QKI: variants seen among roughly 807,000 people sequenced by gnomAD.
QKI encodes the protein KH domain-containing RNA-binding protein QKI.
A neutral mutation model predicts 39.0 loss-of-function variants in QKI; 10 were observed. The observed-to-expected ratio is 0.26, with a 90% CI of 0.16 to 0.43. The LOEUF is 0.43. QKI is among the 20% of genes least tolerant of loss of function. QKI has a pLI of 1.00. For synonymous variants in QKI, 204 were observed against 155.4 expected (o/e 1.31, Z -2.33); for missense variants, 218 against 428.0 (o/e 0.51, Z 4.33).
intron 4 of QKI, among the ~76,000 whole-genome samples, chr6:163,541,292 CTAA>C (rs1781497868): frequency 6.6e-6 from 1 of 151,870 alleles, no homozygotes; most frequent in South Asian, 2.1e-4. Context: ...CTGTAGATTT[CTAA>C]TTTGTTATGC....
chr6:163,551,736 A>G (rs951904040), intron 4 of QKI, among the ~76,000 whole-genome samples: 1 of 152,228 alleles, frequency 6.6e-6, no homozygotes, highest in Non-Finnish European at 1.5e-5. Flanking sequence ...ATTTACTTTG[A>G]GGAGTCAGAG....
At chr6:163,463,981 T>TC (rs1791538005) in intron 2 of QKI, among the ~76,000 whole-genome samples, 1 of 152,086 alleles carries the variant, frequency 6.6e-6, no homozygotes, top group South Asian at 2.1e-4. Context: ...CATGCTCAGC[T>TC]CCCCCTCATC....
intron 6 of QKI, chr6:163,565,382 C>G (rs998494400): frequency 7.1e-6 from 7 of 986,178 alleles, no homozygotes; most frequent in African/African-American, 1.7e-5. Context: ...CCAGCACTTT[C>G]AGCGCAAGAT....
Position 163,415,247 on chromosome 6 carries a change from G to C in QKI, c.54G>C (p.Leu18=). 3 of 1,598,914 alleles carry C rather than the reference G, an allele frequency of 1.9e-6. No homozygotes were observed. Among genetic ancestry groups the C allele is most frequent in the South Asian group, 1.1e-5 (1 of 90,280 alleles). ...AGCCGAAGCCCACCCCAGATTACCT[G>C]ATGCAGCTGATGAACGACAAGAAGC... ...KEKPKPTPDY[L]MQLMNDKKLM... is the part of the protein sequence containing the mutation. The change falls in exon 1 of 8, where the codon CTG becomes CTC. Residue 18 remains leucine, a synonymous_variant. Coordinates refer to ENST00000361752, the MANE Select transcript of QKI (RefSeq NM_006775.3).
chr6:163,491,119 C>T (rs986340040), intron 3 of QKI, among the ~76,000 whole-genome samples: 1 of 152,050 alleles, frequency 6.6e-6, no homozygotes, highest in African/African-American at 2.4e-5. Flanking sequence ...AAAAGAAGAC[C>T]CGCTATCCTT....
chr6:163,476,188 G>A (rs954770557), intron 2 of QKI, among the ~76,000 whole-genome samples: 1 of 151,150 alleles, frequency 6.6e-6, no homozygotes, highest in African/African-American at 2.4e-5. Context: ...ATATTGGAGA[G>A]GAAGTGGATC....
At chr6:163,468,663 G>A (rs528984665) in intron 2 of QKI, among the ~76,000 whole-genome samples, 6 of 152,252 alleles carry the variant, frequency 3.9e-5, no homozygotes, top group African/African-American at 1.4e-4. Context: ...GAGAAGGTCT[G>A]TATTTAAACA....
At chr6:163,453,774 G>A (rs1487029298) in intron 1 of QKI, among the ~76,000 whole-genome samples, 3 of 152,062 alleles carry the variant, frequency 2.0e-5, no homozygotes, top group African/African-American at 4.8e-5. Context: ...AAAGCATTTC[G>A]TAAGCTTTGA....
chr6:163,467,041 A>C (rs551908512), intron 2 of QKI, among the ~76,000 whole-genome samples: 2 of 143,550 alleles, frequency 1.4e-5, no homozygotes, highest in South Asian at 4.2e-4. Flanking sequence ...AAAACAGCAA[A>C]AAAAAAAAAA....
chr6:163,519,104 G>A (rs1439478779), intron 3 of QKI, among the ~76,000 whole-genome samples: 1 of 152,078 alleles, frequency 6.6e-6, no homozygotes, highest in African/African-American at 2.4e-5. Flanking sequence ...AATGTAGAGA[G>A]CTGAACTAGA....
Position 163,487,282 on chromosome 6 carries a change from C to G in QKI, c.402+8386C>G, listed in dbSNP as rs191638203. On this transcript the variant is annotated intron_variant, in intron 3 of 7. Coordinates refer to ENST00000361752, the MANE Select transcript of QKI (RefSeq NM_006775.3). ...CCATCACCCAGGGTCAGCATTGCCT[C>G]TCTCCTTTCAAGAGGGAACTCTCTC... Among the ~76,000 whole-genome samples the G allele has an allele frequency of 5.2e-3, 792 of 152,180 alleles. 4 individuals carry two copies. Among genetic ancestry groups the G allele is most frequent in the Middle Eastern group, 0.017 (5 of 292 alleles).
chr6:163,499,442 AAAG>A (rs1377871558), intron 3 of QKI, among the ~76,000 whole-genome samples: 1 of 152,182 alleles, frequency 6.6e-6, no homozygotes, highest in Non-Finnish European at 1.5e-5. Flanking sequence ...ATTAAATGTA[AAAG>A]AAGAACATTT....
At position 163,478,137 on chromosome 6, in the gene QKI, A is replaced by T. The variant is rs560117711; in HGVS notation, c.286-643A>T. ...TTCTGTTGAGGGATGGTAATTTTTT[A>T]TTTTTTTATTGTACAGTTTTTAATT... On this transcript the variant is annotated intron_variant, in intron 2 of 7. Coordinates refer to ENST00000361752, the MANE Select transcript of QKI (RefSeq NM_006775.3). 2.5e-3 allele frequency among the ~76,000 whole-genome samples: 377 copies of T among 152,098 alleles called. 1 individual carries two copies. Among genetic ancestry groups the T allele is most frequent in the African/African-American group, 8.6e-3 (355 of 41,478 alleles).
intron 4 of QKI, among the ~76,000 whole-genome samples, chr6:163,552,232 A>G (rs1251366265): frequency 9.0e-6 from 1 of 111,526 alleles, no homozygotes; most frequent in Non-Finnish European, 1.7e-5. Context: ...TTTTTTTGAC[A>G]GAGACTAGCT....
intron 3 of QKI, among the ~76,000 whole-genome samples, chr6:163,534,130 T>G (rs1004730886): frequency 6.6e-6 from 1 of 152,162 alleles, no homozygotes. Context: ...TCTCTAAAAC[T>G]TAAAACAGCG....
intron 3 of QKI, among the ~76,000 whole-genome samples, chr6:163,484,436 A>G (rs538703187): frequency 6.6e-6 from 1 of 152,240 alleles, no homozygotes; most frequent in East Asian, 1.9e-4. Flanking sequence ...CCTGGCCTCA[A>G]GTGATCTGCC....
At chr6:163,564,396 CGTT>C in intron 6 of QKI, 1 of 1,304,716 alleles carries the variant, frequency 7.7e-7, no homozygotes, top group African/African-American at 1.5e-5. Flanking sequence ...ATAAGTGGTC[CGTT>C]GTTGACCAAA....
rs1296108942 is a variant in QKI, at chr6:163,578,521, A to G, written c.*7811A>G. On this transcript the variant is annotated 3_prime_UTR_variant, in exon 8 of 8. Coordinates refer to ENST00000361752, the MANE Select transcript of QKI (RefSeq NM_006775.3). ...GAATACATTTTAATTAAATGATAAT[A>G]TGTTAATATGCTTTTGTTCATTGCT... 3.9e-5 allele frequency: 6 copies of G among 152,230 alleles called. No individual in the cohort carries two copies. The allele number at this position is 152,230 out of a possible 1,614,324, so 9.4% of individuals were successfully genotyped here.
At chr6:163,536,085 C>G (rs1021015406) in intron 4 of QKI, among the ~76,000 whole-genome samples, 3 of 152,140 alleles carry the variant, frequency 2.0e-5, no homozygotes, top group African/African-American at 7.2e-5. Flanking sequence ...AGTAAACTCA[C>G]AAATCATAAA....
Sources: allele counts gnomAD v4.1 joint callset (sites outside exome capture counted in the v4.1 genomes callset), GRCh38; gene constraint gnomAD v4.1.1; transcripts MANE v1.5; gene names NCBI Gene and HGNC (gene_info 2026-07-23, HGNC 2026-07-21).